Variants in CFH observed in about 807,000 individuals in gnomAD.
The protein encoded by CFH is H factor 1 (complement).
Under a neutral mutation model 147.3 loss-of-function variants are expected in CFH, and 53 were observed. The ratio of observed to expected loss-of-function variants is 0.36; its 90% CI spans 0.29 to 0.45. CFH has a LOEUF of 0.45. CFH is among the 20% of genes least tolerant of loss of function. The pLI, the probability that CFH is intolerant of heterozygous loss-of-function variation, is 1.00. For missense variants in CFH, 1,380 were observed against 1,498.0 expected, an observed-to-expected ratio of 0.92 and a Z score of 1.30; for synonymous variants, 536 against 489.4, an observed-to-expected ratio of 1.10 and a Z score of -1.26.
chr1:196,662,345 T>C (rs1290422896), intron 1 of CFH, among the ~76,000 whole-genome samples: 1 of 152,218 alleles, frequency 6.6e-6, no homozygotes, highest in Non-Finnish European at 1.5e-5. Context: ...TTACCTACTA[T>C]TGTCATGTGT....
chr1:196,696,490 T>G (rs1477015909), intron 9 of CFH, among the ~76,000 whole-genome samples: 3 of 152,146 alleles, frequency 2.0e-5, no homozygotes, highest in Admixed American at 1.3e-4. Flanking sequence ...TCGCACTAAA[T>G]GCCCACATCA....
Position 196,673,728 on chromosome 1 carries a change from C to T in CFH, c.245-129C>T, listed in dbSNP as rs35284444. 1,791 of 706,368 alleles carry T rather than the reference C, an allele frequency of 2.5e-3. 22 individuals carry two copies. In the African/African-American group the frequency reaches 0.027, roughly 11 times the overall value. 43.8% of individuals were successfully genotyped at this position (706,368 alleles called of 1,614,324 possible). A position where few individuals can be genotyped will look rare whatever the true frequency, so the allele number is the denominator to read the frequency against. On this transcript the variant is annotated intron_variant, in intron 2 of 21. Transcript: ENST00000367429. ...GTTCAATTATGAAATAATGGCTTTG[C>T]TATGTTTAATTTTCCTTACATTCAA...
chr1:196,745,673 A>C (rs1652980427), intron 20 of CFH, 144 bp from the exon 21 acceptor site: 1 of 1,136,964 alleles, frequency 8.8e-7, no homozygotes, highest in East Asian at 2.5e-5. Flanking sequence ...AAAGGGTTAA[A>C]ATTTCTTCCA....
At chr1:196,736,239 G>A (rs1034450219) in intron 15 of CFH, among the ~76,000 whole-genome samples, 12 of 152,058 alleles carry the variant, frequency 7.9e-5, no homozygotes, top group African/African-American at 2.2e-4. Context: ...GTACAGGTAA[G>A]CTAGTAAATA....
rs1669301382 is a variant in CFH at position 196,732,432 on chromosome 1, T to C, written c.2413+3910T>C. On this transcript the variant is annotated intron_variant, in intron 15 of 21. Transcript: ENST00000367429. ...GTGAGTATCTTTATGACCATTATTT[T>C]GAATTCTTTCTTGAGTAAAACACCT... 2.0e-5 allele frequency among the ~76,000 whole-genome samples: 3 copies of C among 152,182 alleles called. No individual in the cohort carries two copies. The South Asian group carries it at 6.2e-4, about 32-fold the overall frequency.
At chr1:196,668,916 G>T (rs1225214038) in intron 1 of CFH, among the ~76,000 whole-genome samples, 1 of 152,188 alleles carries the variant, frequency 6.6e-6, no homozygotes, top group East Asian at 1.9e-4. Context: ...TTTGGAACTG[G>T]GTAATGGGCA....
intron 1 of CFH, among the ~76,000 whole-genome samples, chr1:196,660,720 A>C (rs1666869593): frequency 6.6e-6 from 1 of 152,258 alleles, no homozygotes. Context: ...TCAATATGAT[A>C]ATTCTTTATA....
chr1:196,672,956 A>C (rs771102987), intron 1 of CFH, 22 bp from the exon 2 acceptor site: 1 of 1,601,032 alleles, frequency 6.2e-7, no homozygotes, highest in South Asian at 1.1e-5. Context: ...TTATGCACTT[A>C]TTTTGTTTTT....
At chr1:196,679,559 T>C in intron 5 of CFH, 64 bp from the exon 6 acceptor site, 1 of 1,234,554 alleles carries the variant, frequency 8.1e-7, no homozygotes, top group Non-Finnish European at 1.2e-6. Context: ...TTCATATAAT[T>C]ATGTCCTGGT....
chr1:196,699,334 A>G (rs966477348), intron 9 of CFH, among the ~76,000 whole-genome samples: 1 of 152,104 alleles, frequency 6.6e-6, no homozygotes, highest in Non-Finnish European at 1.5e-5. Flanking sequence ...TTTACCATCT[A>G]TGTACCTCCT....
In CFH at chr1:196,685,077, T is replaced by A; in HGVS notation, c.804T>A (p.Asp268Glu). The A allele has an allele frequency of 6.2e-7, 1 of 1,609,654 alleles. No homozygotes were observed. Among genetic ancestry groups the A allele is most frequent in the Non-Finnish European group, 8.5e-7 (1 of 1,176,250 alleles). ...PLPSCEEKSC[D>E]NPYIPNGDYS... The stretch of plus-strand genomic sequence containing the variant: ...TTTTCTTTTCAGAAAAATCATGTGA[T>A]AATCCTTATATTCCAAATGGTGACT... Residue 268 changes from aspartate (D) to glutamate (E), a missense_variant, in exon 7 of 22, where the codon GAT becomes GAA. Transcript: ENST00000367429.
At position 196,685,192 on chromosome 1, in the gene CFH, G is replaced by A. The variant is rs1411081273; in HGVS notation, c.919G>A (p.Ala307Thr). The stretch of plus-strand genomic sequence containing the variant: ...TTATCCTGCAACCCGGGGAAATACA[G>A]CAAAATGCACAAGTACTGGCTGGAT... ...GFYPATRGNT[A>T]KCTSTGWIPA... The change falls in exon 7 of 22, where the codon GCA becomes ACA. Residue 307 changes from alanine to threonine, a missense_variant. Ala to Thr is a moderately conservative substitution (Grantham distance 58). Transcript: ENST00000367429. 6.2e-7 allele frequency: 1 copy of A among 1,613,026 alleles called. No homozygotes were observed. Among genetic ancestry groups the A allele is most frequent in the East Asian group, 2.2e-5 (1 of 44,800 alleles).
chr1:196,673,407 G>T (rs951101633), intron 2 of CFH: 14 of 479,336 alleles, frequency 2.9e-5, no homozygotes, highest in Non-Finnish European at 4.9e-5. Context: ...CGCTATTTCG[G>T]CTCACTGCAA....
intron 1 of CFH, among the ~76,000 whole-genome samples, chr1:196,652,682 G>C (rs1042543907): frequency 2.0e-5 from 3 of 151,584 alleles, no homozygotes; most frequent in Non-Finnish European, 4.4e-5. Context: ...AGTATTACTT[G>C]TATTATCAGA....
intron 7 of CFH, 102 bp downstream of exon 7, chr1:196,685,339 T>A: frequency 8.3e-7 from 1 of 1,207,686 alleles, no homozygotes; most frequent in Non-Finnish European, 1.2e-6. Context: ...TCTTATTGTA[T>A]ATACAAAGTA....
intron 5 of CFH, 86 bp from the exon 6 acceptor site, chr1:196,679,537 A>T (rs1233432200): frequency 2.9e-6 from 3 of 1,051,522 alleles, no homozygotes; most frequent in Non-Finnish European, 4.3e-6. Flanking sequence ...TGATGGAAAC[A>T]ACATTTCTGT....
Position 196,702,516 on chromosome 1 carries a change from C to A in CFH, c.1337-11219C>A, listed in dbSNP as rs568277397. On this transcript the variant is annotated intron_variant, in intron 9 of 21. Coordinates refer to ENST00000367429, the MANE Select transcript of CFH (RefSeq NM_000186.4). ...GAAGATCTAAAGTTTATGGAAGGAACAGGATTGAAAAAAAAAAAAAAAACA... is the reference window on the plus strand; with the variant it reads ...GAAGATCTAAAGTTTATGGAAGGAAAAGGATTGAAAAAAAAAAAAAAAACA... Among the ~76,000 whole-genome samples the A allele has an allele frequency of 2.3e-4, 22 of 96,780 alleles. 2 individuals are homozygous for A. In the South Asian group the frequency reaches 7.2e-3, roughly 31 times the overall value. 63.5% of individuals were successfully genotyped at this position (96,780 alleles called of 152,430 possible).
intron 9 of CFH, among the ~76,000 whole-genome samples, chr1:196,698,951 AAC>A (rs1225305272): frequency 6.6e-6 from 1 of 152,150 alleles, no homozygotes; most frequent in East Asian, 1.9e-4. Context: ...AATGACAAAA[AAC>A]ACATAATTAA....
At chr1:196,696,063 A>G (rs1668254494) in intron 9 of CFH, among the ~76,000 whole-genome samples, 1 of 152,050 alleles carries the variant, frequency 6.6e-6, no homozygotes, top group African/African-American at 2.4e-5. Flanking sequence ...GATCAACGAG[A>G]CAGAAAATTA....
Sources: allele counts gnomAD v4.1 joint callset (sites outside exome capture counted in the v4.1 genomes callset), GRCh38; gene constraint gnomAD v4.1.1; transcripts MANE v1.5; gene names NCBI Gene and HGNC (gene_info 2026-07-23, HGNC 2026-07-21).